Variants in DEF8 observed in about 807,000 individuals in gnomAD.
DEF8 encodes the protein DEF-8.
A neutral mutation model predicts 59.1 loss-of-function variants in DEF8; 38 were observed. The observed-to-expected ratio is 0.64, with a 90% confidence interval of 0.50 to 0.84. The LOEUF (loss-of-function observed/expected upper bound fraction) is 0.84. DEF8 is among the 40% of genes least tolerant of loss of function. The probability of loss-of-function intolerance (pLI) is 0.00; values close to 1 mark genes in which losing one functional copy is unlikely to be tolerated. For missense variants in DEF8, 557 were observed against 615.2 expected, an observed-to-expected ratio of 0.91 and a Z score of 1.00; for synonymous variants, 265 against 250.1, an observed-to-expected ratio of 1.06 and a Z score of -0.56.
At chr16:89,959,317 C>T in intron 6 of DEF8, 162 bp downstream of exon 6, 6 of 1,475,870 alleles carry the variant, frequency 4.1e-6, no homozygotes, top group Non-Finnish European at 5.4e-6. Flanking sequence ...GTTGTACTGT[C>T]TACATTGGAC....
At chr16:89,951,921 A>G (rs1203630182) in intron 2 of DEF8, among the ~76,000 whole-genome samples, 1 of 151,196 alleles carries the variant, frequency 6.6e-6, no homozygotes, top group Non-Finnish European at 1.5e-5. Context: ...TCTGTTGCCC[A>G]GGCTGGAGTG....
intron 5 of DEF8, 24 bp from the exon 6 acceptor site, chr16:89,958,990 C>G: frequency 1.9e-6 from 3 of 1,606,470 alleles, no homozygotes; most frequent in East Asian, 2.2e-5. Flanking sequence ...ACCTGTGACC[C>G]CCTCCCTGAC....
intron 9 of DEF8, 46 bp from the exon 10 acceptor site, chr16:89,963,317 C>A (rs370905978): frequency 1.3e-6 from 2 of 1,581,284 alleles, no homozygotes; most frequent in East Asian, 4.5e-5. Flanking sequence ...AGGGGCCGCC[C>A]TGTGTCCTGG....
chr16:89,962,014 T>A lies in DEF8; in HGVS notation c.810T>A (p.Val270=). 6.8e-6 allele frequency: 11 copies of A among 1,613,952 alleles called. No individual in the cohort carries two copies. The highest frequency in any genetic ancestry group is 9.3e-6 in the Non-Finnish European group (11 of 1,179,982). ...VHNWDFEPRK[V]SRCSMRYLAL... Reference sequence around the variant, plus strand: ...TGTCACCCGGCCGTGCCTGGCAGGTTTCTCGCTGCAGCATGCGCTACCTGG... The same window carrying A: ...TGTCACCCGGCCGTGCCTGGCAGGTATCTCGCTGCAGCATGCGCTACCTGG... Residue 270 remains valine, a splice_region_variant and synonymous_variant, in exon 9 of 13, where the codon GTT becomes GTA. Transcript: ENST00000563594.
At chr16:89,964,376 C>T in intron 11 of DEF8, 66 bp downstream of exon 11, 4 of 1,538,888 alleles carry the variant, frequency 2.6e-6, no homozygotes, top group Non-Finnish European at 3.5e-6. Flanking sequence ...GCAGGAGAAG[C>T]AGCCCAGCCC....
At chr16:89,960,826 G>C in intron 6 of DEF8, 105 bp from the exon 7 acceptor site, 1 of 1,188,282 alleles carries the variant, frequency 8.4e-7, no homozygotes, top group Non-Finnish European at 1.2e-6. Flanking sequence ...GATTGATCTG[G>C]GCCTCAGAGT....
chr16:89,958,053 T>C lies in DEF8; in HGVS notation c.372+393T>C, dbSNP rs1014633057. 3.6e-5 allele frequency: 6 copies of C among 167,084 alleles called. No individual in the cohort carries two copies. In the South Asian group the frequency reaches 5.4e-4, roughly 15 times the overall value. The allele number at this position is 167,084 out of a possible 1,614,324, so 10.4% of individuals were successfully genotyped here. A position where few individuals can be genotyped will look rare whatever the true frequency, so the allele number is the denominator to read the frequency against. ...GGCAGAGACGGTCCCGGCAACCACA[T>C]CTTGCTTTCCAGGAGCTGAGCCTCC... is the stretch of plus-strand genomic sequence containing the variant. On this transcript the variant is annotated intron_variant, in intron 5 of 12. Transcript: ENST00000563594.
At chr16:89,963,973 C>T (rs1264774806) in intron 10 of DEF8, 197 bp from the exon 11 acceptor site, 1 of 720,856 alleles carries the variant, frequency 1.4e-6, no homozygotes, top group Non-Finnish European at 2.5e-6. Context: ...GGGGGCTACA[C>T]AGGTCAGGAA....
rs755754640 is a variant in DEF8, at chr16:89,962,101, C to T, written c.897C>T (p.Tyr299=). 1.3e-5 allele frequency: 21 copies of T among 1,613,684 alleles called. No individual in the cohort carries two copies. Among genetic ancestry groups the T allele is most frequent in the East Asian group, 4.5e-5 (2 of 44,856 alleles). The stretch of plus-strand genomic sequence containing the variant: ...AGATCAACCCTCTGCTGTTCAGCTA[C>T]GTGGAGGAGCTGGTGGAGATTCGCG... The part of the protein sequence containing the change: ...LREINPLLFS[Y]VEELVEIRKL... The change falls in exon 9 of 13, where the codon TAC becomes TAT. Residue 299 remains tyrosine (Y), a synonymous_variant. Coordinates refer to ENST00000563594, the MANE Select transcript of DEF8 (RefSeq NM_001242818.2).
At position 89,961,807 on chromosome 16, in the gene DEF8, C is replaced by T. The variant is rs564596048; in HGVS notation, c.750C>T (p.Asn250=). Residue 250 remains asparagine, a synonymous_variant, in exon 8 of 13, where the codon AAC becomes AAT. Transcript: ENST00000563594. ...ACTACTGCAGCCACTGCCACTGGAACGACCTGGCTGTGATCCCTGCACGCG... is the reference window on the plus strand; with the variant it reads ...ACTACTGCAGCCACTGCCACTGGAATGACCTGGCTGTGATCCCTGCACGCG... The part of the protein sequence containing the change: ...GQYYCSHCHW[N]DLAVIPARVV... 58 of 1,613,000 alleles carry T rather than the reference C, an allele frequency of 3.6e-5. No homozygotes were observed. Among genetic ancestry groups the T allele is most frequent in the East Asian group, 4.5e-5 (2 of 44,874 alleles).
chr16:89,950,755 G>A (rs914679072), intron 2 of DEF8, among the ~76,000 whole-genome samples: 3 of 152,106 alleles, frequency 2.0e-5, no homozygotes, highest in African/African-American at 7.2e-5. Context: ...AGAGGCAGGA[G>A]GGTTGCTTGA....
At chr16:89,957,431 G>A in intron 4 of DEF8, 80 bp from the exon 5 acceptor site, 1 of 1,455,724 alleles carries the variant, frequency 6.9e-7, no homozygotes. Context: ...GTCTGCTCTG[G>A]GCCTGTCTCG....
chr16:89,960,835 G>A (rs2033933358), intron 6 of DEF8, 96 bp from the exon 7 acceptor site: 1 of 1,344,254 alleles, frequency 7.4e-7, no homozygotes. Context: ...GGGCCTCAGA[G>A]TGGAACCCAC....
At chr16:89,964,953 C>G (rs2034481163) in intron 12 of DEF8, among the ~76,000 whole-genome samples, 2 of 152,178 alleles carry the variant, frequency 1.3e-5, no homozygotes, top group Admixed American at 6.5e-5. Context: ...ATTCCCAAAC[C>G]TATAGTTCCT....
intron 4 of DEF8, among the ~76,000 whole-genome samples, chr16:89,956,070 C>G (rs1414749790): frequency 7.0e-6 from 1 of 143,416 alleles, no homozygotes; most frequent in Non-Finnish European, 1.5e-5. Flanking sequence ...GAGACTCCGT[C>G]TCAAAGAAAA....
intron 2 of DEF8, chr16:89,950,095 C>A (rs749050437): frequency 4.9e-5 from 49 of 990,466 alleles, no homozygotes; most frequent in Non-Finnish European, 5.8e-5. Flanking sequence ...GCCTAGAGTA[C>A]AGCTGCTGGG....
chr16:89,965,743 C>T (rs1040890658), intron 12 of DEF8, 118 bp from the exon 13 acceptor site: 11 of 643,804 alleles, frequency 1.7e-5, no homozygotes, highest in African/African-American at 1.1e-4. Context: ...CTGCAGACTC[C>T]GACTCTGCCC....
chr16:89,961,884 G>A lies in DEF8; in HGVS notation c.807+20G>A. 6.3e-7 allele frequency: 1 copy of A among 1,597,054 alleles called. No individual in the cohort carries two copies. The highest frequency in any genetic ancestry group is 1.3e-5 in the African/African-American group (1 of 74,888). On this transcript the variant is annotated intron_variant, in intron 8 of 12. Coordinates refer to ENST00000563594, the MANE Select transcript of DEF8 (RefSeq NM_001242818.2). The stretch of plus-strand genomic sequence containing the variant: ...CGAAAGGTGGGGGTTGGAAGGTGGG[G>A]GCATCCCCCTGGGGAGGGAGAGCAG...
chr16:89,962,284 G>A (rs957566449), intron 9 of DEF8, among the ~76,000 whole-genome samples, 159 bp downstream of exon 9: 4 of 152,230 alleles, frequency 2.6e-5, no homozygotes, highest in African/African-American at 9.6e-5. Flanking sequence ...TGCCCTTTTG[G>A]TTGAAGGTGC....
Sources: gnomAD v4.1 joint callset for allele counts (sites outside exome capture counted in the v4.1 genomes callset) on GRCh38, gnomAD v4.1.1 for gene constraint, MANE v1.5 for transcripts, NCBI Gene and HGNC (gene_info 2026-07-23, HGNC 2026-07-21) for gene names.